Variants in PDZD2 observed in about 807,000 individuals in gnomAD.
PDZD2 encodes PDZ domain containing 2.
PDZD2 carries 90 observed loss-of-function variants against 220.7 expected under a neutral mutation model. The observed-to-expected ratio is 0.41, with a 90% CI of 0.34 to 0.49. PDZD2 has a LOEUF of 0.49. Ranked by LOEUF, PDZD2 falls within the 20% of genes least tolerant of loss-of-function variation. PDZD2 has a pLI of 0.28. For synonymous variants in PDZD2, 1,375 were observed against 1,450.5 expected (o/e 0.95, Z 1.18); for missense variants, 3,174 against 3,608.5 (o/e 0.88, Z 3.08).
intron 1 of PDZD2, among the ~76,000 whole-genome samples, chr5:31,654,802 G>T (rs761832290): frequency 6.6e-6 from 1 of 152,128 alleles, no homozygotes; most frequent in Non-Finnish European, 1.5e-5. Context: ...AGAGCAGGCA[G>T]AAAGATTCTA....
chr5:31,687,301 TTTA>T (rs1252601529), intron 1 of PDZD2, among the ~76,000 whole-genome samples: 4 of 152,180 alleles, frequency 2.6e-5, no homozygotes, highest in South Asian at 4.1e-4. Flanking sequence ...TCTCTGCCAC[TTTA>T]TTATCTATTT....
Position 31,835,266 on chromosome 5 carries a change from C to T in PDZD2, c.476+35542C>T, listed in dbSNP as rs199613355. ...GAGATCACTGCAAGTTATTATCCCT[C>T]GAATATCTTCCACACCTTTCTTCTA... On this transcript the variant is annotated intron_variant, in intron 2 of 24. Coordinates refer to ENST00000438447, the MANE Select transcript of PDZD2 (RefSeq NM_178140.4). 5.3e-5 allele frequency among the ~76,000 whole-genome samples: 8 copies of T among 152,230 alleles called. No homozygotes were observed. The East Asian group carries it at 1.3e-3, about 26-fold the overall frequency.
At chr5:31,967,105 G>C (rs1226344147) in intron 2 of PDZD2, among the ~76,000 whole-genome samples, 1 of 152,224 alleles carries the variant, frequency 6.6e-6, no homozygotes, top group Non-Finnish European at 1.5e-5. Flanking sequence ...GTGAAACCAG[G>C]CTTGGCACAA....
intron 2 of PDZD2, among the ~76,000 whole-genome samples, chr5:31,835,373 A>G (rs1386839481): frequency 6.6e-6 from 1 of 152,146 alleles, no homozygotes; most frequent in African/African-American, 2.4e-5. Flanking sequence ...TAATCTCAGC[A>G]CTTGGGAGGC....
chr5:31,877,790 A>G (rs1270703182), intron 2 of PDZD2, among the ~76,000 whole-genome samples: 1 of 152,110 alleles, frequency 6.6e-6, no homozygotes, highest in Non-Finnish European at 1.5e-5. Flanking sequence ...CCCGGGTTCA[A>G]GTGATTATCC....
intron 2 of PDZD2, among the ~76,000 whole-genome samples, chr5:31,826,258 C>T (rs1369778029): frequency 6.6e-6 from 1 of 152,116 alleles, no homozygotes; most frequent in Admixed American, 6.5e-5. Flanking sequence ...AGTTTTTGTT[C>T]TCTACCTTGC....
intron 1 of PDZD2, among the ~76,000 whole-genome samples, chr5:31,765,392 T>C (rs866417256): frequency 1.3e-5 from 2 of 152,144 alleles, no homozygotes; most frequent in Admixed American, 6.5e-5. Context: ...AAAGCTACCA[T>C]TGGGAAAGGA....
At chr5:31,654,731 G>T (rs1236509051) in intron 1 of PDZD2, among the ~76,000 whole-genome samples, 1 of 152,028 alleles carries the variant, frequency 6.6e-6, no homozygotes, top group Non-Finnish European at 1.5e-5. Context: ...TCTCAATTGG[G>T]CTATTTTAGG....
At chr5:31,951,792 T>C (rs1473561058) in intron 2 of PDZD2, among the ~76,000 whole-genome samples, 3 of 152,216 alleles carry the variant, frequency 2.0e-5, no homozygotes, top group Admixed American at 6.5e-5. Context: ...CTTTTGCTCT[T>C]GTATGTGATC....
At chr5:31,931,948 A>G (rs1745327268) in intron 2 of PDZD2, among the ~76,000 whole-genome samples, 1 of 152,040 alleles carries the variant, frequency 6.6e-6, no homozygotes, top group Non-Finnish European at 1.5e-5. Flanking sequence ...TTAATGGCAG[A>G]AGTTGGAAGG....
chr5:31,910,149 A>G (rs1581055223), intron 2 of PDZD2, among the ~76,000 whole-genome samples: 1 of 152,144 alleles, frequency 6.6e-6, no homozygotes, highest in Admixed American at 6.5e-5. Context: ...CTATGCGCTC[A>G]AAGTCACATA....
At chr5:31,827,833 T>C (rs904539420) in intron 2 of PDZD2, among the ~76,000 whole-genome samples, 3 of 152,188 alleles carry the variant, frequency 2.0e-5, no homozygotes, top group African/African-American at 4.8e-5. Context: ...CAATATCTAA[T>C]TTTAGGACGT....
intron 2 of PDZD2, among the ~76,000 whole-genome samples, chr5:31,852,259 A>G (rs891931987): frequency 1.3e-5 from 2 of 152,128 alleles, no homozygotes; most frequent in Admixed American, 1.3e-4. Flanking sequence ...ACTTAAAACC[A>G]TACATTTATT....
At chr5:31,664,673 C>T (rs1466449713) in intron 1 of PDZD2, among the ~76,000 whole-genome samples, 5 of 152,114 alleles carry the variant, frequency 3.3e-5, no homozygotes, top group Admixed American at 6.5e-5. Context: ...CATACAGAGC[C>T]GAAAACCACA....
chr5:31,833,875 T>G (rs1194966841), intron 2 of PDZD2, among the ~76,000 whole-genome samples: 1 of 152,200 alleles, frequency 6.6e-6, no homozygotes, highest in Non-Finnish European at 1.5e-5. Flanking sequence ...GGTGACATCA[T>G]GAGGCTTCCT....
At chr5:31,786,371 C>G (rs1753378921) in intron 1 of PDZD2, among the ~76,000 whole-genome samples, 1 of 152,108 alleles carries the variant, frequency 6.6e-6, no homozygotes, top group Admixed American at 6.5e-5. Flanking sequence ...TACCCCACCC[C>G]CCAGGCAAGT....
intron 3 of PDZD2, among the ~76,000 whole-genome samples, chr5:31,989,932 C>T (rs1751079303): frequency 6.6e-6 from 1 of 152,176 alleles, no homozygotes; most frequent in African/African-American, 2.4e-5. Context: ...CTCAGTTCTG[C>T]CATCCCCAGC....
intron 2 of PDZD2, among the ~76,000 whole-genome samples, chr5:31,850,737 A>G (rs1458616523): frequency 9.3e-5 from 14 of 151,142 alleles, no homozygotes; most frequent in Non-Finnish European, 1.5e-5. Flanking sequence ...CCTGGGTTCA[A>G]GCGATTCTTC....
chr5:31,737,275 C>T (rs991092277), intron 1 of PDZD2, among the ~76,000 whole-genome samples: 7 of 151,108 alleles, frequency 4.6e-5, no homozygotes, highest in African/African-American at 1.7e-4. Context: ...CAGGTTCACG[C>T]CATTCTCCTG....
Sources: allele counts gnomAD v4.1 joint callset (sites outside exome capture counted in the v4.1 genomes callset), GRCh38; gene constraint gnomAD v4.1.1; transcripts MANE v1.5; gene names NCBI Gene and HGNC (gene_info 2026-07-23, HGNC 2026-07-21).